Variants in KHDRBS2 observed in about 807,000 individuals in gnomAD.
The protein encoded by KHDRBS2 is KH RNA binding domain containing, signal transduction associated 2.
KHDRBS2 carries 26 observed loss-of-function variants against 44.3 expected under a neutral mutation model. The ratio of observed to expected loss-of-function variants is 0.59; its 90% CI spans 0.43 to 0.81. The LOEUF is 0.81. Ranked by LOEUF, KHDRBS2 falls within the 40% of genes least tolerant of loss-of-function variation. The probability of loss-of-function intolerance (pLI) is 0.00; values close to 1 mark genes in which losing one functional copy is unlikely to be tolerated. For missense variants in KHDRBS2, 476 were observed against 433.1 expected (o/e 1.10, Z -0.88); for synonymous variants, 194 against 151.1 (o/e 1.28, Z -2.08).
intron 3 of KHDRBS2, among the ~76,000 whole-genome samples, chr6:62,001,941 A>G (rs1778311927): frequency 6.6e-6 from 1 of 152,154 alleles, no homozygotes; most frequent in Admixed American, 6.6e-5. Context: ...ATTATTTTCA[A>G]GAAGCAAGTG....
At chr6:62,191,661 TAGA>T (rs1188604774) in intron 1 of KHDRBS2, among the ~76,000 whole-genome samples, 1 of 152,118 alleles carries the variant, frequency 6.6e-6, no homozygotes, top group Non-Finnish European at 1.5e-5. Context: ...TAAATCTTTC[TAGA>T]AGAATATCAC....
rs535037881 is a variant in KHDRBS2, at chr6:61,900,397, T to C, written c.611+847A>G. On this transcript the variant is annotated intron_variant, in intron 5 of 8. Transcript: ENST00000281156. ...AAATAATATTTAGATCTCTGTCCTT[T>C]AGAGATTTAAAAGCCAATTATAACA... Among the ~76,000 whole-genome samples, 216 of 152,266 alleles carry C rather than the reference T, an allele frequency of 1.4e-3. 5 individuals are homozygous for C. The South Asian group carries it at 0.043, about 30-fold the overall frequency.
At chr6:61,950,694 A>C (rs1516720) in intron 4 of KHDRBS2, among the ~76,000 whole-genome samples, 52,038 of 151,880 alleles carry the variant, frequency 0.34, 9,083 homozygotes, top group Middle Eastern at 0.41. Context: ...CTCCTGAGGA[A>C]TTTAAGTGAT....
intron 6 of KHDRBS2, among the ~76,000 whole-genome samples, chr6:61,852,940 A>C (rs1402681527): frequency 2.0e-5 from 3 of 152,154 alleles, no homozygotes; most frequent in Non-Finnish European, 4.4e-5. Flanking sequence ...TACCCACCAT[A>C]CCTAACCATT....
intron 2 of KHDRBS2, among the ~76,000 whole-genome samples, chr6:62,128,586 C>CT (rs373236291): frequency 2.0e-5 from 3 of 151,316 alleles, no homozygotes; most frequent in African/African-American, 7.3e-5. Flanking sequence ...TGAATATTCT[C>CT]TTTTTATGGC....
chr6:61,545,021 G>A, the KHDRBS2 span, among the ~76,000 whole-genome samples: 13 of 151,988 alleles, frequency 8.6e-5, no homozygotes, highest in African/African-American at 3.1e-4. Context: ...CATGGCACAT[G>A]TATACATATA....
chr6:61,954,521 CACAT>C (rs1489904418), intron 4 of KHDRBS2, among the ~76,000 whole-genome samples: 4 of 146,182 alleles, frequency 2.7e-5, no homozygotes, highest in African/African-American at 7.6e-5. Context: ...TGAATATATA[CACAT>C]ACATACGTAT....
intron 6 of KHDRBS2, among the ~76,000 whole-genome samples, chr6:61,748,118 T>C (rs1210914093): frequency 1.3e-5 from 2 of 152,040 alleles, no homozygotes; most frequent in South Asian, 2.1e-4. Context: ...GTCTCCCAAG[T>C]AGCTGCGATT....
chr6:61,562,041 T>A, the KHDRBS2 span, among the ~76,000 whole-genome samples: 1 of 152,126 alleles, frequency 6.6e-6, no homozygotes, highest in Non-Finnish European at 1.5e-5. Flanking sequence ...TTTAACCAAC[T>A]CTAGGAAAAT....
At chr6:61,620,792 T>A in the KHDRBS2 span, among the ~76,000 whole-genome samples, 1 of 152,194 alleles carries the variant, frequency 6.6e-6, no homozygotes, top group Admixed American at 6.5e-5. Context: ...TCCTGCCCAA[T>A]GCAGGAGTTT....
chr6:61,589,925 A>T, the KHDRBS2 span, among the ~76,000 whole-genome samples: 13 of 152,164 alleles, frequency 8.5e-5, no homozygotes, highest in Non-Finnish European at 7.3e-5. Flanking sequence ...ATATATTTTC[A>T]AATTCCCAAA....
chr6:61,817,431 T>C (rs544006232), intron 6 of KHDRBS2, among the ~76,000 whole-genome samples: 16 of 152,220 alleles, frequency 1.1e-4, no homozygotes, highest in African/African-American at 3.6e-4. Context: ...CTAAGCACTA[T>C]ATAAAAATAC....
intron 4 of KHDRBS2, among the ~76,000 whole-genome samples, chr6:61,928,131 A>C (rs1284099365): frequency 6.6e-6 from 1 of 152,116 alleles, no homozygotes; most frequent in Non-Finnish European, 1.5e-5. Flanking sequence ...AAATGCTGAG[A>C]ATTTTCACAG....
In KHDRBS2 at chr6:62,216,021, C is replaced by T. The variant is rs1178485585; in HGVS notation, c.92-38709G>A. Among the ~76,000 whole-genome samples, 9 of 151,698 alleles carry T rather than the reference C, an allele frequency of 5.9e-5. 1 individual carries two copies. The South Asian group carries it at 8.3e-4, about 14-fold the overall frequency. On this transcript the variant is annotated intron_variant, in intron 1 of 8. Coordinates refer to ENST00000281156, the MANE Select transcript of KHDRBS2 (RefSeq NM_152688.4). ...AAGAAATATTTCTCATAATATATAG[C>T]TTTTAATTTTAAAGATTTTGTACTT...
intron 4 of KHDRBS2, among the ~76,000 whole-genome samples, chr6:61,916,257 C>CAA (rs1806975407): frequency 6.6e-6 from 1 of 151,942 alleles, no homozygotes; most frequent in South Asian, 2.1e-4. Flanking sequence ...TTTATACAGG[C>CAA]AAAGCTGTAC....
At chr6:62,139,273 C>T (rs538735087) in intron 2 of KHDRBS2, among the ~76,000 whole-genome samples, 2 of 152,018 alleles carry the variant, frequency 1.3e-5, no homozygotes, top group Non-Finnish European at 2.9e-5. Context: ...TTCATATGGG[C>T]CAGGCGCAGT....
chr6:62,182,257 A>G (rs1822468013), intron 1 of KHDRBS2, among the ~76,000 whole-genome samples: 1 of 152,068 alleles, frequency 6.6e-6, no homozygotes, highest in Non-Finnish European at 1.5e-5. Flanking sequence ...AGGAATCTAC[A>G]ATAGTCAAAC....
intron 2 of KHDRBS2, among the ~76,000 whole-genome samples, chr6:62,131,946 T>A (rs557514201): frequency 9.8e-5 from 15 of 152,330 alleles, no homozygotes; most frequent in African/African-American, 3.4e-4. Flanking sequence ...TCATTCAAAA[T>A]GCATTGAGGA....
At chr6:62,155,737 A>G (rs1382694430) in intron 2 of KHDRBS2, among the ~76,000 whole-genome samples, 2 of 152,246 alleles carry the variant, frequency 1.3e-5, no homozygotes, top group African/African-American at 2.4e-5. Flanking sequence ...TGTTTTTAAA[A>G]TGAACAGTAG....
Sources: allele counts gnomAD v4.1 joint callset (sites outside exome capture counted in the v4.1 genomes callset), GRCh38; gene constraint gnomAD v4.1.1; transcripts MANE v1.5; gene names NCBI Gene and HGNC (gene_info 2026-07-23, HGNC 2026-07-21).